The following GSE1 variants were observed in gnomAD, a reference collection of about 807,000 sequenced individuals.
The protein encoded by GSE1 is genetic suppressor element 1.
GSE1 carries 32 observed loss-of-function variants against 112.6 expected under a neutral mutation model. The observed-to-expected ratio is 0.28, with a 90% CI of 0.21 to 0.38. The LOEUF (loss-of-function observed/expected upper bound fraction) is 0.38, where lower values mean the gene tolerates loss of function less well. Ranked by LOEUF, GSE1 falls within the 10% of genes least tolerant of loss-of-function variation. GSE1 has a pLI of 1.00. For synonymous variants in GSE1, 1,115 were observed against 735.6 expected (o/e 1.52, Z -8.35); for missense variants, 2,348 against 1,699.2 (o/e 1.38, Z -6.71).
chr16:85,343,290 C>T (rs1390905530), intron 1 of GSE1, among the ~76,000 whole-genome samples: 1 of 152,158 alleles, frequency 6.6e-6, no homozygotes, highest in East Asian at 1.9e-4. Context: ...CCATTACGTG[C>T]TTGAGGTGAC....
intron 2 of GSE1, among the ~76,000 whole-genome samples, chr16:85,397,463 T>A (rs2047994236): frequency 6.6e-6 from 1 of 152,234 alleles, no homozygotes; most frequent in Non-Finnish European, 1.5e-5. Context: ...CTGGAACATG[T>A]GGTCTCTGCT....
intron 2 of GSE1, among the ~76,000 whole-genome samples, chr16:85,477,397 C>T (rs1040615542): frequency 1.3e-5 from 2 of 152,062 alleles, no homozygotes; most frequent in Non-Finnish European, 2.9e-5. Flanking sequence ...CCTGTGTGTG[C>T]TGCCCACCTA....
upstream of GSE1, among the ~76,000 whole-genome samples, chr16:85,552,741 G>A (rs2044988919): frequency 6.6e-6 from 1 of 152,228 alleles, no homozygotes; most frequent in Non-Finnish European, 1.5e-5. Flanking sequence ...CTCCCAGGAG[G>A]CAAGCTTCTT....
intron 2 of GSE1, among the ~76,000 whole-genome samples, chr16:85,644,662 A>C (rs1195010524): frequency 6.6e-6 from 1 of 151,914 alleles, no homozygotes; most frequent in African/African-American, 2.4e-5. Flanking sequence ...GGGAGACGGG[A>C]GTGGTTGCTC....
chr16:85,244,073 C>A (rs564264355), intron 1 of GSE1, among the ~76,000 whole-genome samples: 11 of 152,212 alleles, frequency 7.2e-5, no homozygotes, highest in African/African-American at 2.4e-4. Flanking sequence ...TTGCCGTGAG[C>A]GGAGATTGCA....
At chr16:85,518,073 G>A (rs957050301) in intron 2 of GSE1, among the ~76,000 whole-genome samples, 6 of 152,320 alleles carry the variant, frequency 3.9e-5, no homozygotes, top group African/African-American at 1.2e-4. Context: ...TGACAGGCGC[G>A]TCGGCTGGAA....
chr16:85,606,109 G>C (rs183660302), intron 1 of GSE1, among the ~76,000 whole-genome samples: 4 of 152,156 alleles, frequency 2.6e-5, no homozygotes, highest in African/African-American at 9.7e-5. Context: ...GAAGTCTGCC[G>C]TGGCACAGCC....
chr16:85,666,835 C>T (rs540687580), intron 13 of GSE1, among the ~76,000 whole-genome samples: 32 of 152,308 alleles, frequency 2.1e-4, no homozygotes, highest in African/African-American at 5.8e-4. Context: ...CCGTGGGTTC[C>T]GCGTCTTTGG....
intron 2 of GSE1, among the ~76,000 whole-genome samples, chr16:85,450,869 T>G (rs557303073): frequency 2.0e-5 from 3 of 152,058 alleles, no homozygotes; most frequent in African/African-American, 4.8e-5. Context: ...GAGACCAGCC[T>G]GGCCAATATG....
intron 2 of GSE1, among the ~76,000 whole-genome samples, chr16:85,477,636 C>T (rs1386905512): frequency 6.6e-6 from 1 of 151,248 alleles, no homozygotes; most frequent in Non-Finnish European, 1.5e-5. Flanking sequence ...TCTCGGCTCA[C>T]CGCAACCTCC....
At chr16:85,576,736 G>A (rs1423501843) in intron 1 of GSE1, among the ~76,000 whole-genome samples, 1 of 152,228 alleles carries the variant, frequency 6.6e-6, no homozygotes, top group Non-Finnish European at 1.5e-5. Flanking sequence ...AAAAGCAGTT[G>A]TGTCCTGGGG....
intron 2 of GSE1, among the ~76,000 whole-genome samples, chr16:85,486,696 G>A (rs1186489883): frequency 6.6e-6 from 1 of 152,058 alleles, no homozygotes; most frequent in Non-Finnish European, 1.5e-5. Flanking sequence ...CCTCTCTCCT[G>A]CCGCCTCCAG....
intron 8 of GSE1, among the ~76,000 whole-genome samples, 184 bp downstream of exon 8, chr16:85,657,788 A>C (rs1207700898): frequency 6.6e-6 from 1 of 152,226 alleles, no homozygotes; most frequent in Non-Finnish European, 1.5e-5. Flanking sequence ...AGACTGAGGA[A>C]GAAAATGGAT....
intron 2 of GSE1, among the ~76,000 whole-genome samples, chr16:85,493,088 G>A (rs903861845): frequency 6.6e-6 from 1 of 152,328 alleles, no homozygotes; most frequent in East Asian, 1.9e-4. Context: ...TTGGAGCAGA[G>A]GCCTGGAGGA....
At chr16:85,662,495 A>C (rs1307555906) in intron 9 of GSE1, 1 of 153,498 alleles carries the variant, frequency 6.5e-6, no homozygotes, top group Non-Finnish European at 1.4e-5. Context: ...TCTCTCCCCT[A>C]CTCACTTTGT....
chr16:85,419,799 C>T lies in GSE1; in HGVS notation c.2464+62156C>T, dbSNP rs79148648. Among the ~76,000 whole-genome samples, 811 of 151,090 alleles carry T rather than the reference C, an allele frequency of 5.4e-3. 5 individuals are homozygous for T. The highest frequency in any genetic ancestry group is 0.018 in the African/African-American group (759 of 41,208). ...CTCCAAGACTCTGATGGAAATGGTC[C>T]GAGTAGGGCTTCTGCAGGGCCAGCC... On this transcript the variant is annotated intron_variant, in intron 2 of 2. Transcript: ENST00000637419. The surrounding 1 kb of genome is among the most constrained non-coding windows in gnomAD (Gnocchi z 6.5).
chr16:85,603,299 G>A (rs1365232657), intron 1 of GSE1, among the ~76,000 whole-genome samples: 1 of 152,200 alleles, frequency 6.6e-6, no homozygotes, highest in Non-Finnish European at 1.5e-5. Context: ...GCCGAGTGGG[G>A]AAAGTTCCCT....
At chr16:85,276,689 C>G (rs1165506428) in intron 1 of GSE1, among the ~76,000 whole-genome samples, 8 of 152,190 alleles carry the variant, frequency 5.3e-5, no homozygotes, top group Admixed American at 3.3e-4. Flanking sequence ...GATGGACCCA[C>G]CACGCTGCTC....
chr16:85,625,835 G>A (rs571137222), intron 1 of GSE1, among the ~76,000 whole-genome samples: 2 of 152,318 alleles, frequency 1.3e-5, no homozygotes, highest in South Asian at 2.1e-4. Context: ...GGGCCCTGGA[G>A]GGCAGCGTCT....
Sources: gnomAD v4.1 joint callset for allele counts (sites outside exome capture counted in the v4.1 genomes callset) on GRCh38, gnomAD v4.1.1 for gene constraint, Gnocchi (gnomAD v3.1) non-coding constraint, MANE v1.5 for transcripts, NCBI Gene and HGNC (gene_info 2026-07-23, HGNC 2026-07-21) for gene names.